The following TOGARAM1 variants were observed in gnomAD, a reference collection of about 807,000 sequenced individuals.
The protein encoded by TOGARAM1 is TOG array regulator of axonemal microtubules 1.
TOGARAM1 carries 100 observed loss-of-function variants against 166.6 expected under a neutral mutation model. The observed-to-expected ratio is 0.60, with a 90% CI of 0.51 to 0.71. The LOEUF is 0.71. Among genes scored for constraint, TOGARAM1 ranks in the 30% least tolerant of loss-of-function variants. The pLI, the probability that TOGARAM1 is intolerant of heterozygous loss-of-function variation, is 0.00. For synonymous variants in TOGARAM1, 758 were observed against 763.8 expected, an observed-to-expected ratio of 0.99 and a Z score of 0.13; for missense variants, 2,029 against 2,102.7, an observed-to-expected ratio of 0.96 and a Z score of 0.69.
chr14:44,965,028 C>G lies in TOGARAM1; in HGVS notation c.2046+561C>G, dbSNP rs185103692. Among the ~76,000 whole-genome samples the G allele has an allele frequency of 3.6e-4, 55 of 151,312 alleles. No homozygotes were observed. The Middle Eastern group carries it at 0.021, about 57-fold the overall frequency. ...CAACATTTGAACTGAGATTTTCCCCCCAAAGCTTTTATTTAAAAAATTCCA... is the reference window on the plus strand; with the variant it reads ...CAACATTTGAACTGAGATTTTCCCCGCAAAGCTTTTATTTAAAAAATTCCA... On this transcript the variant is annotated intron_variant, in intron 1 of 19. Transcript: ENST00000361462.
At chr14:45,005,233 GT>G in intron 4 of TOGARAM1, among the ~76,000 whole-genome samples, 1 of 151,832 alleles carries the variant, frequency 6.6e-6, no homozygotes, top group African/African-American at 2.4e-5. Context: ...TTTATTATTT[GT>G]TATAAACTAA....
At position 45,004,070 on chromosome 14, in the gene TOGARAM1, G is replaced by A. The variant is rs766208146; in HGVS notation, c.2348G>A (p.Ser783Asn). The change falls in exon 4 of 20, where the codon AGC (serine) becomes AAC (asparagine). Residue 783 changes from serine to asparagine, a missense_variant. Ser to Asn is a conservative substitution (Grantham distance 46). Coordinates refer to ENST00000361462, the MANE Select transcript of TOGARAM1 (RefSeq NM_001308120.2). ...TTTTGTTTTATTACAGTGTATGCTAGCCTCAATTTTGGCAGTAAGACACAG... is the reference window on the plus strand; with the variant it reads ...TTTTGTTTTATTACAGTGTATGCTAACCTCAATTTTGGCAGTAAGACACAG... The part of the protein sequence containing the change: ...TSSHQEKVYA[S>N]LNFGSKTQQT... 2 of 1,613,702 alleles carry A rather than the reference G, an allele frequency of 1.2e-6. No individual in the cohort carries two copies. The highest frequency in any genetic ancestry group is 1.7e-6 in the Non-Finnish European group (2 of 1,179,814).
At chr14:44,997,019 G>A (rs1243186856) in intron 2 of TOGARAM1, 1 of 152,212 alleles carries the variant, frequency 6.6e-6, no homozygotes, top group Non-Finnish European at 1.5e-5. Flanking sequence ...CAGAGAGCAA[G>A]GTCAAAAACA....
At chr14:44,983,288 A>G (rs975676265) in intron 1 of TOGARAM1, among the ~76,000 whole-genome samples, 3 of 152,182 alleles carry the variant, frequency 2.0e-5, no homozygotes, top group Non-Finnish European at 2.9e-5. Context: ...TTTTCTCTGA[A>G]GTTAAAGGAA....
chr14:45,029,929 C>G (rs1881062918), intron 10 of TOGARAM1, among the ~76,000 whole-genome samples: 1 of 152,162 alleles, frequency 6.6e-6, no homozygotes, highest in Non-Finnish European at 1.5e-5. Context: ...TCAAGCGATT[C>G]TTCTGCCTCA....
rs568286767 is a variant in TOGARAM1, at chr14:44,973,263, T to A, written c.2046+8796T>A. The stretch of plus-strand genomic sequence containing the variant: ...CTCCTTTTTTTTTAAATTACTTTTT[T>A]TTAGTAGTTTCCCTAGAGTGTGTAA... On this transcript the variant is annotated intron_variant, in intron 1 of 19. Coordinates refer to ENST00000361462, the MANE Select transcript of TOGARAM1 (RefSeq NM_001308120.2). 7.2e-5 allele frequency among the ~76,000 whole-genome samples: 11 copies of A among 152,176 alleles called. No individual in the cohort carries two copies. The East Asian group carries it at 2.1e-3, about 29-fold the overall frequency.
chr14:45,004,991 T>G (rs902309964), intron 4 of TOGARAM1, among the ~76,000 whole-genome samples: 1 of 152,066 alleles, frequency 6.6e-6, no homozygotes, highest in Non-Finnish European at 1.5e-5. Context: ...GGTGCGATCT[T>G]GGCTCACGGC....
intron 1 of TOGARAM1, among the ~76,000 whole-genome samples, chr14:44,987,820 G>A (rs1328500096): frequency 6.8e-6 from 1 of 148,050 alleles, no homozygotes; most frequent in East Asian, 2.0e-4. Flanking sequence ...GTTTATTGTG[G>A]CACTATTCAC....
chr14:45,048,643 G>A (rs997088683), intron 14 of TOGARAM1, among the ~76,000 whole-genome samples: 3 of 152,080 alleles, frequency 2.0e-5, no homozygotes, highest in Admixed American at 6.5e-5. Flanking sequence ...CAGGGTGATA[G>A]CAGTGCTGGG....
At position 44,962,693 on chromosome 14, in the gene TOGARAM1, G is replaced by A. The variant is rs937337958; in HGVS notation, c.272G>A (p.Gly91Glu). 1.9e-6 allele frequency: 3 copies of A among 1,614,066 alleles called. No individual in the cohort carries two copies. The highest frequency in any genetic ancestry group is 2.5e-6 in the Non-Finnish European group (3 of 1,180,050). ...TCTGAGTCTGGAGGCGGTTTGTCAG[G>A]GGGAGATGAAGAGGACACTCGGCTC... ...SWSESGGGLS[G>E]GDEEDTRLLQ... Residue 91 changes from glycine (G) to glutamate (E), a missense_variant, in exon 1 of 20, where the codon GGG becomes GAG. By Grantham distance (98) the Gly-to-Glu change is moderately conservative. This residue lies in a region of TOGARAM1 where 1,453 missense variants were observed against 1,432.2 expected (regional missense o/e 1.01). Coordinates refer to ENST00000361462, the MANE Select transcript of TOGARAM1 (RefSeq NM_001308120.2).
At position 44,963,521 on chromosome 14, in the gene TOGARAM1, A is replaced by G. The variant is rs1885331031; in HGVS notation, c.1100A>G (p.Asn367Ser). ...SRLLDQEDYK[N>S]RTQAVEELKQ... The stretch of plus-strand genomic sequence containing the variant: ...TTATTGGATCAGGAAGACTATAAGA[A>G]CCGGACCCAGGCCGTCGAAGAACTA... The change falls in exon 1 of 20, where the codon AAC (asparagine) becomes AGC (serine). Residue 367 changes from asparagine (N) to serine (S), a missense_variant. Around this residue, in one of 2 missense-constraint regions of TOGARAM1, gnomAD observed 1,453 missense variants for 1,432.2 expected, o/e 1.01. Transcript: ENST00000361462. 6.2e-7 allele frequency: 1 copy of G among 1,614,078 alleles called. No individual in the cohort carries two copies. Among genetic ancestry groups the G allele is most frequent in the Non-Finnish European group, 8.5e-7 (1 of 1,180,040 alleles).
At chr14:44,969,581 A>G (rs768087931) in intron 1 of TOGARAM1, among the ~76,000 whole-genome samples, 1 of 152,192 alleles carries the variant, frequency 6.6e-6, no homozygotes, top group Non-Finnish European at 1.5e-5. Flanking sequence ...TTTTTCTTGC[A>G]TGGATCATGC....
chr14:45,047,971 A>T (rs1882159075), intron 14 of TOGARAM1, among the ~76,000 whole-genome samples: 1 of 150,838 alleles, frequency 6.6e-6, no homozygotes, highest in Non-Finnish European at 1.5e-5. Context: ...CAGGAGAATC[A>T]CACCAACCTG....
At chr14:45,047,810 C>G (rs1382600851) in intron 14 of TOGARAM1, among the ~76,000 whole-genome samples, 1 of 151,988 alleles carries the variant, frequency 6.6e-6, no homozygotes, top group South Asian at 2.1e-4. Flanking sequence ...AATCCCAGCA[C>G]TTTGGGAGGT....
intron 11 of TOGARAM1, among the ~76,000 whole-genome samples, chr14:45,032,990 G>A (rs1260852310): frequency 2.6e-5 from 4 of 152,054 alleles, no homozygotes; most frequent in Non-Finnish European, 5.9e-5. Context: ...AGTGGCTTAC[G>A]CCTGTAATCC....
At chr14:45,058,478 A>G (rs1882750997) in intron 16 of TOGARAM1, among the ~76,000 whole-genome samples, 1 of 152,110 alleles carries the variant, frequency 6.6e-6, no homozygotes, top group African/African-American at 2.4e-5. Context: ...TACTTTTAGT[A>G]GAGACGGGGT....
intron 2 of TOGARAM1, among the ~76,000 whole-genome samples, chr14:44,998,192 T>C (rs1024651074): frequency 2.6e-5 from 4 of 152,240 alleles, no homozygotes; most frequent in African/African-American, 9.6e-5. Context: ...TGCAAGAATA[T>C]GTCCAGTTAT....
chr14:44,997,627 C>T (rs181078227), intron 2 of TOGARAM1, among the ~76,000 whole-genome samples: 6 of 151,972 alleles, frequency 3.9e-5, no homozygotes, highest in Admixed American at 3.3e-4. Context: ...TTGACCATAA[C>T]ATTTAGAAGA....
At chr14:45,007,046 T>G (rs1879485230) in intron 5 of TOGARAM1, 1 of 152,078 alleles carries the variant, frequency 6.6e-6, no homozygotes, top group African/African-American at 2.4e-5. Context: ...TTTTTATCAT[T>G]TCAGTTTGCT....
Sources: allele counts gnomAD v4.1 joint callset (sites outside exome capture counted in the v4.1 genomes callset), GRCh38; gene constraint gnomAD v4.1.1; regional missense constraint gnomAD v4.1.1; transcripts MANE v1.5; gene names NCBI Gene and HGNC (gene_info 2026-07-23, HGNC 2026-07-21).